The following STK32B variants were observed in gnomAD, a reference collection of about 807,000 sequenced individuals.
The protein encoded by STK32B is serine/threonine-protein kinase 32B.
STK32B carries 43 observed loss-of-function variants against 52.6 expected under a neutral mutation model. The observed-to-expected ratio is 0.82, with a 90% CI of 0.64 to 1.05. The LOEUF (loss-of-function observed/expected upper bound fraction) is 1.05. STK32B is among the 50% of genes least tolerant of loss of function. The pLI, the probability that STK32B is intolerant of heterozygous loss-of-function variation, is 0.00. For missense variants in STK32B, 621 were observed against 534.6 expected (o/e 1.16, Z -1.59); for synonymous variants, 238 against 204.3 (o/e 1.17, Z -1.41).
intron 3 of STK32B, among the ~76,000 whole-genome samples, chr4:5,258,191 A>C (rs1726461025): frequency 6.6e-6 from 1 of 152,178 alleles, no homozygotes; most frequent in Non-Finnish European, 1.5e-5. Context: ...AGTCAGAATA[A>C]AACAAAAAAT....
chr4:5,285,873 AC>A (rs1241043473), intron 3 of STK32B, among the ~76,000 whole-genome samples: 1 of 152,006 alleles, frequency 6.6e-6, no homozygotes, highest in Non-Finnish European at 1.5e-5. Context: ...TAAATCGCTA[AC>A]CCCCTATACC....
chr4:5,446,266 C>G (rs1186164341), intron 6 of STK32B, among the ~76,000 whole-genome samples: 1 of 152,182 alleles, frequency 6.6e-6, no homozygotes, highest in Non-Finnish European at 1.5e-5. Flanking sequence ...TTTTACTGTC[C>G]AAGAAAGCTA....
chr4:5,219,177 GC>G (rs1204673908), intron 3 of STK32B, among the ~76,000 whole-genome samples: 1 of 152,240 alleles, frequency 6.6e-6, no homozygotes, highest in Non-Finnish European at 1.5e-5. Context: ...AGGGCTCTCA[GC>G]AGTCTGATTG....
chr4:5,499,211 T>C lies in STK32B; in HGVS notation c.*128T>C. ...TCAGATGCAGAAAAAGCCCTGGACT[T>C]GGAGCTGGGAAGCCTGGGTTCTGGT... On this transcript the variant is annotated 3_prime_UTR_variant, in exon 12 of 12. Transcript: ENST00000282908. 1 of 1,328,998 alleles carries C rather than the reference T, an allele frequency of 7.5e-7. No individual in the cohort carries two copies. The highest frequency in any genetic ancestry group is 3.1e-5 in the Admixed American group (1 of 31,982). The allele number at this position is 1,328,998 out of a possible 1,614,324, so 82.3% of individuals were successfully genotyped here.
chr4:5,272,655 G>T (rs553337449), intron 3 of STK32B, among the ~76,000 whole-genome samples: 1 of 152,040 alleles, frequency 6.6e-6, no homozygotes, highest in Non-Finnish European at 1.5e-5. Context: ...ATAGATCAAT[G>T]GAACAGAACA....
At chr4:5,105,624 C>T (rs1003589871) in intron 1 of STK32B, among the ~76,000 whole-genome samples, 23 of 151,810 alleles carry the variant, frequency 1.5e-4, no homozygotes, top group South Asian at 6.3e-4. Flanking sequence ...AGTGTAGTGG[C>T]GGGATCTTGG....
At chr4:5,263,096 C>T (rs896337435) in intron 3 of STK32B, among the ~76,000 whole-genome samples, 3 of 151,546 alleles carry the variant, frequency 2.0e-5, no homozygotes, top group African/African-American at 7.3e-5. Flanking sequence ...TTCCACTAGA[C>T]TATGAGCTCC....
At chr4:5,095,337 A>T (rs940481744) in intron 1 of STK32B, among the ~76,000 whole-genome samples, 1 of 152,176 alleles carries the variant, frequency 6.6e-6, no homozygotes, top group South Asian at 2.1e-4. Context: ...CGGAGAGGCC[A>T]GGTGCAGTGG....
chr4:5,287,516 A>T (rs1418431308), intron 3 of STK32B, among the ~76,000 whole-genome samples: 1 of 152,080 alleles, frequency 6.6e-6, no homozygotes, highest in Non-Finnish European at 1.5e-5. Context: ...ATACATTTAT[A>T]TGCTTCACAA....
intron 3 of STK32B, among the ~76,000 whole-genome samples, chr4:5,227,026 A>G (rs1407564493): frequency 6.6e-6 from 1 of 152,194 alleles, no homozygotes; most frequent in African/African-American, 2.4e-5. Context: ...TTTTATTGAA[A>G]CCAGTATTCT....
intron 3 of STK32B, among the ~76,000 whole-genome samples, chr4:5,265,335 T>C (rs763162466): frequency 9.2e-5 from 14 of 152,236 alleles, no homozygotes; most frequent in Non-Finnish European, 1.8e-4. Flanking sequence ...TTTAATCCTT[T>C]TAACCTGCTG....
intron 3 of STK32B, among the ~76,000 whole-genome samples, chr4:5,264,203 G>A (rs765441365): frequency 1.5e-4 from 23 of 152,172 alleles, no homozygotes; most frequent in Non-Finnish European, 1.2e-4. Flanking sequence ...TGGGTATAGA[G>A]TAAGCATATT....
At chr4:5,054,784 A>G (rs1279939789) in intron 1 of STK32B, among the ~76,000 whole-genome samples, 2 of 152,182 alleles carry the variant, frequency 1.3e-5, no homozygotes, top group Admixed American at 6.5e-5. Flanking sequence ...TCTGATTTTT[A>G]AGTACTTTGA....
chr4:5,403,450 G>A (rs145513083), intron 5 of STK32B, among the ~76,000 whole-genome samples: 34 of 152,192 alleles, frequency 2.2e-4, no homozygotes, highest in African/African-American at 7.7e-4. Context: ...CTCCTGAGCG[G>A]CCCTGATGCT....
intron 11 of STK32B, among the ~76,000 whole-genome samples, chr4:5,471,067 C>A (rs982432628): frequency 1.3e-5 from 2 of 152,220 alleles, no homozygotes; most frequent in African/African-American, 4.8e-5. Flanking sequence ...ATGCAGGATC[C>A]CTGCACAGTG....
chr4:5,369,783 G>A (rs1199298024), intron 4 of STK32B, among the ~76,000 whole-genome samples: 1 of 152,186 alleles, frequency 6.6e-6, no homozygotes, highest in Non-Finnish European at 1.5e-5. Flanking sequence ...GGCAACATGA[G>A]GATTTCAATC....
chr4:5,102,933 TC>T (rs1249641744), intron 1 of STK32B, among the ~76,000 whole-genome samples: 3 of 91,664 alleles, frequency 3.3e-5, no homozygotes, highest in South Asian at 1.0e-3. Context: ...TCTCCTCCCC[TC>T]CCCCCTCCCC....
chr4:5,359,052 C>G (rs1734372282), intron 4 of STK32B, among the ~76,000 whole-genome samples: 1 of 152,202 alleles, frequency 6.6e-6, no homozygotes, highest in Non-Finnish European at 1.5e-5. Flanking sequence ...TCTACGTGGG[C>G]TCACTTCAAG....
At chr4:5,325,700 T>G (rs1477313591) in intron 3 of STK32B, among the ~76,000 whole-genome samples, 2 of 152,228 alleles carry the variant, frequency 1.3e-5, no homozygotes, top group Non-Finnish European at 2.9e-5. Context: ...CACACAATTT[T>G]CTTTGCTCTT....
Sources: allele counts gnomAD v4.1 joint callset (sites outside exome capture counted in the v4.1 genomes callset), GRCh38; gene constraint gnomAD v4.1.1; transcripts MANE v1.5; gene names NCBI Gene and HGNC (gene_info 2026-07-23, HGNC 2026-07-21).